PIK3C2A: variants seen among roughly 807,000 people sequenced by gnomAD.
PIK3C2A encodes phosphatidylinositol-4-phosphate 3-kinase catalytic subunit type 2 alpha, also known as phosphatidylinositol 4-phosphate 3-kinase C2 domain-containing subunit alpha.
A neutral mutation model predicts 204.5 loss-of-function variants in PIK3C2A; 97 were observed. The observed-to-expected ratio is 0.47, with a 90% CI of 0.40 to 0.56. The LOEUF is 0.56. Among genes scored for constraint, PIK3C2A ranks in the 20% least tolerant of loss-of-function variants. PIK3C2A has a pLI of 0.00. For synonymous variants in PIK3C2A, 653 were observed against 664.4 expected (o/e 0.98, Z 0.26); for missense variants, 1,735 against 1,969.2 (o/e 0.88, Z 2.25).
intron 23 of PIK3C2A, among the ~76,000 whole-genome samples, chr11:17,104,802 G>C (rs114604905): frequency 1.1e-3 from 162 of 150,908 alleles, no homozygotes; most frequent in African/African-American, 3.7e-3. Flanking sequence ...TTCAAACCCA[G>C]AGAGTTTGGC....
intron 13 of PIK3C2A, among the ~76,000 whole-genome samples, chr11:17,124,542 G>A (rs532302750): frequency 1.1e-4 from 17 of 150,894 alleles, no homozygotes; most frequent in Non-Finnish European, 2.5e-4. Context: ...GTCTTTTTAA[G>A]CATCTTTTAA....
chr11:17,169,094 A>C lies in PIK3C2A; in HGVS notation c.648T>G (p.Arg216=). 1 of 1,614,196 alleles carries C rather than the reference A, an allele frequency of 6.2e-7. No individual in the cohort carries two copies. Among genetic ancestry groups the C allele is most frequent in the Non-Finnish European group, 8.5e-7 (1 of 1,180,042 alleles). The change falls in exon 2 of 33, where the codon CGT becomes CGG. Residue 216 remains arginine (R), a synonymous_variant. Transcript: ENST00000691414. The stretch of plus-strand genomic sequence containing the variant: ...TTGCCATGTCAGTACTGACTACTGG[A>C]CGATAGATAGGTAAGCTTCCTTGTG... ...FHPQGSLPIY[R]PVVSTDMAKL...
intron 27 of PIK3C2A, among the ~76,000 whole-genome samples, chr11:17,096,625 A>C (rs529836574): frequency 3.3e-5 from 5 of 152,216 alleles, no homozygotes; most frequent in Non-Finnish European, 7.3e-5. Flanking sequence ...GCAGTTCTGG[A>C]AAGTATTATC....
At chr11:17,173,858 A>AGT (rs1318055999) in intron 1 of PIK3C2A, among the ~76,000 whole-genome samples, 3 of 152,204 alleles carry the variant, frequency 2.0e-5, no homozygotes, top group Non-Finnish European at 4.4e-5. Context: ...ACTGGAGTGC[A>AGT]GTGGCACAGT....
intron 1 of PIK3C2A, among the ~76,000 whole-genome samples, chr11:17,201,974 G>A (rs553283155): frequency 6.6e-6 from 1 of 152,170 alleles, no homozygotes; most frequent in Admixed American, 6.6e-5. Flanking sequence ...AGAATACTGG[G>A]GCCCGGGGCG....
At chr11:17,164,116 A>C (rs187868877) in intron 2 of PIK3C2A, among the ~76,000 whole-genome samples, 2 of 152,220 alleles carry the variant, frequency 1.3e-5, no homozygotes, top group African/African-American at 4.8e-5. Flanking sequence ...CCTGAAAACT[A>C]CAGTCTTCTC....
chr11:17,191,925 G>A (rs572968434), intron 1 of PIK3C2A, among the ~76,000 whole-genome samples: 295 of 151,396 alleles, frequency 1.9e-3, no homozygotes, highest in Middle Eastern at 6.8e-3. Context: ...TTGAGTCCAG[G>A]AGTTTGAGAC....
At chr11:17,113,137 G>A (rs1022706720) in intron 20 of PIK3C2A, among the ~76,000 whole-genome samples, 4 of 151,978 alleles carry the variant, frequency 2.6e-5, no homozygotes, top group Non-Finnish European at 4.4e-5. Context: ...TCAGCCTCCC[G>A]AGTAGCTGGG....
At chr11:17,174,858 C>A (rs2137505490) in intron 1 of PIK3C2A, among the ~76,000 whole-genome samples, 2 of 152,118 alleles carry the variant, frequency 1.3e-5, no homozygotes, top group Middle Eastern at 6.8e-3. Context: ...GCCAAGGTCA[C>A]CATTGCACTC....
At position 17,137,565 on chromosome 11, in the gene PIK3C2A, T is replaced by C. The variant is rs538599233; in HGVS notation, c.1705-940A>G. Among the ~76,000 whole-genome samples, 142 of 151,950 alleles carry C rather than the reference T, an allele frequency of 9.3e-4. 2 individuals are homozygous for C. Among genetic ancestry groups the C allele is most frequent in the Non-Finnish European group, 7.4e-5 (5 of 67,942 alleles). On this transcript the variant is annotated intron_variant, in intron 8 of 32. Transcript: ENST00000691414. The stretch of plus-strand genomic sequence containing the variant: ...CTGGGATTACAGGTGTCTGCCACCA[T>C]GCCTGGCTAATTTTTGTATTTTTAG...
At chr11:17,147,147 GT>G (rs2137426884) in intron 6 of PIK3C2A, among the ~76,000 whole-genome samples, 1 of 152,146 alleles carries the variant, frequency 6.6e-6, no homozygotes, top group African/African-American at 2.4e-5. Flanking sequence ...ATTTTTCTCA[GT>G]TTGGTACAAA....
At chr11:17,107,422 T>G (rs996683735) in intron 22 of PIK3C2A, among the ~76,000 whole-genome samples, 1 of 152,094 alleles carries the variant, frequency 6.6e-6, no homozygotes, top group Admixed American at 6.6e-5. Flanking sequence ...ATCTCAAAAA[T>G]AATGTTAAAG....
intron 1 of PIK3C2A, among the ~76,000 whole-genome samples, chr11:17,175,943 G>T (rs1054521683): frequency 6.6e-6 from 1 of 151,228 alleles, no homozygotes; most frequent in Non-Finnish European, 1.5e-5. Flanking sequence ...ACAGATATTT[G>T]TCCCCCCAAA....
chr11:17,194,992 C>T (rs2137563938), intron 1 of PIK3C2A, among the ~76,000 whole-genome samples: 1 of 152,116 alleles, frequency 6.6e-6, no homozygotes, highest in African/African-American at 2.4e-5. Context: ...TTCTTTTCTC[C>T]AAATTTTGTT....
chr11:17,151,221 C>G (rs1210227305), intron 3 of PIK3C2A, among the ~76,000 whole-genome samples: 1 of 152,160 alleles, frequency 6.6e-6, no homozygotes, highest in African/African-American at 2.4e-5. Flanking sequence ...GAAAGAACTG[C>G]CTGTGAAGGT....
chr11:17,179,155 G>A (rs981676778), intron 1 of PIK3C2A, among the ~76,000 whole-genome samples: 2 of 151,892 alleles, frequency 1.3e-5, no homozygotes, highest in Admixed American at 1.3e-4. Context: ...GTGAGCCACC[G>A]CACCTGGCCT....
intron 23 of PIK3C2A, 63 bp from the exon 24 acceptor site, chr11:17,102,894 AAAT>A: frequency 9.3e-7 from 1 of 1,071,506 alleles, no homozygotes; most frequent in South Asian, 1.5e-5. Flanking sequence ...CAGAGTTTAT[AAAT>A]AGTAAAGTAA....
intron 19 of PIK3C2A, among the ~76,000 whole-genome samples, chr11:17,115,230 T>C (rs1849140403): frequency 6.6e-6 from 1 of 151,646 alleles, no homozygotes; most frequent in African/African-American, 2.4e-5. Context: ...ACTATAAAAC[T>C]ATGGTAATTA....
At chr11:17,110,620 A>G in intron 21 of PIK3C2A, 59 bp from the exon 22 acceptor site, 3 of 1,498,710 alleles carry the variant, frequency 2.0e-6, no homozygotes, top group South Asian at 2.5e-5. Flanking sequence ...AACAGATTAC[A>G]TACTATGAAA....
Sources: allele counts gnomAD v4.1 joint callset (sites outside exome capture counted in the v4.1 genomes callset), GRCh38; gene constraint gnomAD v4.1.1; transcripts MANE v1.5; gene names NCBI Gene and HGNC (gene_info 2026-07-23, HGNC 2026-07-21).